Variants in WDR7 observed in about 807,000 individuals in gnomAD.
WDR7 encodes the protein WD repeat domain 7.
A neutral mutation model predicts 169.4 loss-of-function variants in WDR7; 46 were observed. The observed-to-expected ratio is 0.27, with a 90% CI of 0.21 to 0.35. WDR7 has a LOEUF of 0.35. WDR7 is among the 10% of genes least tolerant of loss of function. WDR7 has a pLI of 1.00. For missense variants in WDR7, 1,534 were observed against 1,859.3 expected, an observed-to-expected ratio of 0.83 and a Z score of 3.22; for synonymous variants, 612 against 666.8, an observed-to-expected ratio of 0.92 and a Z score of 1.27.
chr18:56,769,494 T>C (rs988034760), intron 16 of WDR7, among the ~76,000 whole-genome samples: 3 of 152,152 alleles, frequency 2.0e-5, no homozygotes, highest in African/African-American at 7.2e-5. Context: ...CCTCTGTGCC[T>C]GACTGTTCTA....
intron 25 of WDR7, among the ~76,000 whole-genome samples, chr18:56,943,350 T>C (rs1264205306): frequency 6.6e-6 from 1 of 152,128 alleles, no homozygotes; most frequent in East Asian, 1.9e-4. Flanking sequence ...ATTCTTTTTT[T>C]TTTTGTTTCC....
intron 26 of WDR7, among the ~76,000 whole-genome samples, chr18:56,963,690 AT>A (rs923343007): frequency 4.0e-5 from 6 of 151,848 alleles, no homozygotes; most frequent in East Asian, 1.9e-4. Flanking sequence ...TTTGTTTGTG[AT>A]TTTTTTTAAG....
At chr18:56,953,652 G>A (rs1487510506) in intron 25 of WDR7, among the ~76,000 whole-genome samples, 1 of 152,242 alleles carries the variant, frequency 6.6e-6, no homozygotes, top group African/African-American at 2.4e-5. Flanking sequence ...CAAACACTAT[G>A]AGAAAAGAGT....
At chr18:56,695,489 T>C (rs116070001) in intron 11 of WDR7, among the ~76,000 whole-genome samples, 1 of 152,230 alleles carries the variant, frequency 6.6e-6, no homozygotes, top group African/African-American at 2.4e-5. Flanking sequence ...ATTACTGTAT[T>C]ACCAGTAATT....
At chr18:56,806,273 T>G (rs965812840) in intron 19 of WDR7, among the ~76,000 whole-genome samples, 1 of 152,188 alleles carries the variant, frequency 6.6e-6, no homozygotes, top group Non-Finnish European at 1.5e-5. Context: ...TGAATAAATT[T>G]TTCCTCCTGC....
intron 11 of WDR7, 80 bp downstream of exon 11, chr18:56,695,278 TTAAA>T: frequency 6.5e-7 from 1 of 1,531,188 alleles, no homozygotes; most frequent in Non-Finnish European, 8.8e-7. Context: ...TTTTTTGTTT[TTAAA>T]TAAATACAGT....
At chr18:56,763,061 T>C (rs1367169679) in intron 16 of WDR7, among the ~76,000 whole-genome samples, 1 of 151,742 alleles carries the variant, frequency 6.6e-6, no homozygotes, top group Non-Finnish European at 1.5e-5. Flanking sequence ...CCTGGGTTCA[T>C]GCTATTCTCC....
Position 56,756,809 on chromosome 18 carries a change from C to G in WDR7, c.2216C>G (p.Ala739Gly), listed in dbSNP as rs758069538. 6.2e-7 allele frequency: 1 copy of G among 1,614,048 alleles called. No individual in the cohort carries two copies. The highest frequency in any genetic ancestry group is 1.1e-5 in the South Asian group (1 of 91,078). The change falls in exon 15 of 28, where the codon GCA becomes GGA. Residue 739 changes from alanine (A) to glycine (G), a missense_variant. By Grantham distance (60) the Ala-to-Gly change is moderately conservative (BLOSUM62 0). Coordinates refer to ENST00000254442, the MANE Select transcript of WDR7 (RefSeq NM_015285.3). ...GGCTCTTTTTTAACTGGAAAACGAGCAGCAGTTCTCTTCCAACAAGTGAAA... is the reference window on the plus strand; with the variant it reads ...GGCTCTTTTTTAACTGGAAAACGAGGAGCAGTTCTCTTCCAACAAGTGAAA... ...KGGSFLTGKR[A>G]AVLFQQVKET...
At chr18:56,884,626 C>T (rs371450208) in intron 21 of WDR7, among the ~76,000 whole-genome samples, 22 of 152,330 alleles carry the variant, frequency 1.4e-4, no homozygotes, top group East Asian at 1.4e-3. Flanking sequence ...TCCCCCACCA[C>T]GGCTGCAGCA....
At chr18:56,755,904 G>A (rs1471260212) in intron 14 of WDR7, among the ~76,000 whole-genome samples, 2 of 151,792 alleles carry the variant, frequency 1.3e-5, no homozygotes, top group African/African-American at 2.4e-5. Flanking sequence ...TTTCTATCTC[G>A]GGAAAAAATA....
At chr18:56,995,176 T>G (rs1379731310) in intron 26 of WDR7, among the ~76,000 whole-genome samples, 1 of 152,154 alleles carries the variant, frequency 6.6e-6, no homozygotes, top group Non-Finnish European at 1.5e-5. Flanking sequence ...CCTATAGTTA[T>G]AGGATAAATT....
chr18:56,868,245 A>G (rs559667237), intron 20 of WDR7, among the ~76,000 whole-genome samples: 1 of 149,402 alleles, frequency 6.7e-6, no homozygotes, highest in East Asian at 1.9e-4. Context: ...TTTTAGTCAC[A>G]TGTCATTGTT....
chr18:56,969,261 T>C (rs73958725), intron 26 of WDR7, among the ~76,000 whole-genome samples: 87 of 152,338 alleles, frequency 5.7e-4, no homozygotes, highest in African/African-American at 1.9e-3. Flanking sequence ...AGTTACTAAG[T>C]TCAGTTAACT....
rs367818093 is a variant in WDR7, at chr18:56,831,862, G to A, written c.3304+15718G>A. ...CCTGCAGATCAGGAGATTCCCTCGTGTGCCTACACCACCAGGGCCCTGGGT... is the reference window on the plus strand; with the variant it reads ...CCTGCAGATCAGGAGATTCCCTCGTATGCCTACACCACCAGGGCCCTGGGT... On this transcript the variant is annotated intron_variant, in intron 20 of 27. Coordinates refer to ENST00000254442, the MANE Select transcript of WDR7 (RefSeq NM_015285.3). Among the ~76,000 whole-genome samples the A allele has an allele frequency of 3.3e-5, 5 of 152,232 alleles. No homozygotes were observed. In the South Asian group the frequency reaches 1.0e-3, roughly 32 times the overall value.
intron 16 of WDR7, among the ~76,000 whole-genome samples, chr18:56,766,352 C>T (rs2044066205): frequency 6.6e-6 from 1 of 152,014 alleles, no homozygotes; most frequent in Admixed American, 6.6e-5. Context: ...TTCCTCCCTC[C>T]TCTCTCTAAG....
chr18:56,938,520 A>C lies in WDR7; in HGVS notation c.3832-13A>C. 1.9e-6 allele frequency: 3 copies of C among 1,613,212 alleles called. No homozygotes were observed. The South Asian group carries it at 3.3e-5, about 18-fold the overall frequency. On this transcript the variant is annotated splice_polypyrimidine_tract_variant and intron_variant, in intron 23 of 27. Transcript: ENST00000254442. The stretch of plus-strand genomic sequence containing the variant: ...AGTGTCAATCATATCTACAGCATAG[A>C]AATGTTTTGTAGGTACACAGACATA...
At chr18:56,821,666 A>G (rs1455925102) in intron 20 of WDR7, among the ~76,000 whole-genome samples, 3 of 138,752 alleles carry the variant, frequency 2.2e-5, no homozygotes, top group Admixed American at 7.5e-5. Context: ...TTTTTTTGAC[A>G]TGTGGTCTCT....
intron 20 of WDR7, among the ~76,000 whole-genome samples, chr18:56,868,584 A>T (rs2045912298): frequency 6.6e-6 from 1 of 151,962 alleles, no homozygotes; most frequent in African/African-American, 2.4e-5. Flanking sequence ...TACCATGTCT[A>T]CCCCGCTATT....
At position 56,698,381 on chromosome 18, in the gene WDR7, C is replaced by T. The variant is rs927884497; in HGVS notation, c.1578+1919C>T. Among the ~76,000 whole-genome samples the T allele has an allele frequency of 6.6e-5, 10 of 151,836 alleles. No individual in the cohort carries two copies. In the East Asian group the frequency reaches 1.2e-3, roughly 18 times the overall value. The stretch of plus-strand genomic sequence containing the variant: ...CAGCACTTTGGGAGGCTGAGAGGGG[C>T]GGATCACGAGGTCAGGAGATCAAGA... On this transcript the variant is annotated intron_variant, in intron 12 of 27. Coordinates refer to ENST00000254442, the MANE Select transcript of WDR7 (RefSeq NM_015285.3).
Sources: gnomAD v4.1 joint callset for allele counts (sites outside exome capture counted in the v4.1 genomes callset) on GRCh38, gnomAD v4.1.1 for gene constraint, MANE v1.5 for transcripts, NCBI Gene and HGNC (gene_info 2026-07-23, HGNC 2026-07-21) for gene names.